DNAH3: variants seen among roughly 807,000 people sequenced by gnomAD.
The protein encoded by DNAH3 is dynein axonemal heavy chain 3.
Under a neutral mutation model 432.5 loss-of-function variants are expected in DNAH3, and 332 were observed. The ratio of observed to expected loss-of-function variants is 0.77; its 90% CI spans 0.70 to 0.84. The LOEUF (loss-of-function observed/expected upper bound fraction) is 0.84, where lower values mean the gene tolerates loss of function less well. Ranked by LOEUF, DNAH3 falls within the 40% of genes least tolerant of loss-of-function variation. The pLI is 0.00. For synonymous variants in DNAH3, 1,956 were observed against 1,900.2 expected, an observed-to-expected ratio of 1.03 and a Z score of -0.76; for missense variants, 4,861 against 5,114.0, an observed-to-expected ratio of 0.95 and a Z score of 1.51.
chr16:21,140,784 T>C, intron 4 of DNAH3, 74 bp from the exon 6 acceptor site: 1 of 1,407,804 alleles, frequency 7.1e-7, no homozygotes, highest in Non-Finnish European at 9.9e-7. Flanking sequence ...CTACTTTCCC[T>C]AGCCTGATGA....
In DNAH3 at chr16:20,940,506, C is replaced by T. The variant is rs527387858; in HGVS notation, c.11654+895G>A. Among the ~76,000 whole-genome samples the T allele has an allele frequency of 7.2e-5, 11 of 152,048 alleles. No individual in the cohort carries two copies. In the South Asian group the frequency reaches 1.7e-3, roughly 23 times the overall value. On this transcript the variant is annotated intron_variant, in intron 59 of 61. Coordinates refer to ENST00000261383, the Ensembl canonical transcript of DNAH3. ...CAGTGGCAAGATCATAGCTCACTGC[C>T]GCCTCGAGCTCCTGGCCTCCAAGAG...
chr16:21,130,918 C>T (rs1046244258), intron 7 of DNAH3, among the ~76,000 whole-genome samples: 12 of 152,130 alleles, frequency 7.9e-5, no homozygotes, highest in African/African-American at 2.9e-4. Flanking sequence ...CATAAACACG[C>T]TTGTACTTAA....
intron 5 of DNAH3, among the ~76,000 whole-genome samples, chr16:21,136,968 A>C (rs990755591): frequency 6.6e-6 from 1 of 152,040 alleles, no homozygotes; most frequent in Non-Finnish European, 1.5e-5. Flanking sequence ...CCCCATCTCT[A>C]CTACAAAATA....
intron 1 of DNAH3, among the ~76,000 whole-genome samples, chr16:21,149,591 T>A (rs2092828130): frequency 6.6e-6 from 1 of 152,102 alleles, no homozygotes; most frequent in African/African-American, 2.4e-5. Flanking sequence ...AAATATAGAT[T>A]CCAGGGCCCC....
chr16:21,042,392 T>C (rs550084775), intron 31 of DNAH3, among the ~76,000 whole-genome samples, 189 bp from the exon 32 acceptor site: 1 of 152,164 alleles, frequency 6.6e-6, no homozygotes, highest in Non-Finnish European at 1.5e-5. Context: ...CATGTGTGCA[T>C]GTGCGTGTGT....
chr16:21,072,232 A>ATTTATTT lies in DNAH3; in HGVS notation c.3085-1407_3085-1406insAAATAAA, dbSNP rs574623411. 7.8e-3 allele frequency among the ~76,000 whole-genome samples: 707 copies of ATTTATTT among 90,938 alleles called. 3 individuals carry two copies. The highest frequency in any genetic ancestry group is 0.012 in the East Asian group (19 of 1,534). The allele number at this position is 90,938 out of a possible 152,430, so 59.7% of individuals were successfully genotyped here. A position where few individuals can be genotyped will look rare whatever the true frequency, so the allele number is the denominator to read the frequency against. On this transcript the variant is annotated intron_variant, in intron 21 of 61. Coordinates refer to ENST00000261383, the Ensembl canonical transcript of DNAH3. ...GGGACCTTTGTTTAATTAATTAATT[A>ATTTATTT]ATTAATTAATTTTAATTTTATTATT...
At chr16:20,944,213 G>C (rs914164692) in intron 58 of DNAH3, among the ~76,000 whole-genome samples, 1 of 147,994 alleles carries the variant, frequency 6.8e-6, no homozygotes, top group African/African-American at 2.5e-5. Context: ...AAAAAAAAAA[G>C]AATAAAACCC....
intron 53 of DNAH3, among the ~76,000 whole-genome samples, chr16:20,960,223 C>T (rs2084756568): frequency 6.6e-6 from 1 of 152,038 alleles, no homozygotes; most frequent in Non-Finnish European, 1.5e-5. Context: ...TTCATGGATA[C>T]ATAGTATATC....
At chr16:20,980,378 G>T (rs543137811) in intron 49 of DNAH3, among the ~76,000 whole-genome samples, 3 of 122,878 alleles carry the variant, frequency 2.4e-5, no homozygotes, top group South Asian at 5.8e-4. Context: ...ATATATGTGG[G>T]GGGGGAGAGA....
chr16:21,036,713 C>T lies in DNAH3; in HGVS notation c.5085+1G>A, dbSNP rs373345396. The T allele has an allele frequency of 2.6e-5, 42 of 1,613,724 alleles. No homozygotes were observed. The highest frequency in any genetic ancestry group is 3.6e-5 in the Non-Finnish European group (42 of 1,179,928). On this transcript the variant is annotated splice_donor_variant, in intron 35 of 61. Transcript: ENST00000261383. LOFTEE classifies it high-confidence loss of function. ...ACATTTATATGGGCTAAGGAACCAA[C>T]CTGGATAATTTTCCCTATAAACCAA...
At chr16:20,974,219 T>C (rs2085473226) in intron 51 of DNAH3, among the ~76,000 whole-genome samples, 1 of 151,938 alleles carries the variant, frequency 6.6e-6, no homozygotes, top group Admixed American at 6.6e-5. Context: ...AGATGGGGTT[T>C]GCCATGTTGC....
chr16:21,097,315 T>C lies in DNAH3; in HGVS notation c.2665+40A>G, dbSNP rs76929415. ...GAAGTGACTGGGTGGATCCTCCACC[T>C]CATCCCCATCTGTCCCAGCAGAGTG... On this transcript the variant is annotated intron_variant, in intron 18 of 61. Transcript: ENST00000261383. 6,876 of 1,609,934 alleles carry C rather than the reference T, an allele frequency of 4.3e-3. 245 individuals are homozygous for C. In the African/African-American group the frequency reaches 0.077, roughly 18 times the overall value.
intron 11 of DNAH3, among the ~76,000 whole-genome samples, chr16:21,118,884 T>C (rs1248268141): frequency 6.6e-6 from 1 of 152,234 alleles, no homozygotes; most frequent in Non-Finnish European, 1.5e-5. Flanking sequence ...CCCATTGTCT[T>C]CCATTGTCCT....
intron 28 of DNAH3, 103 bp from the exon 29 acceptor site, chr16:21,051,971 T>A (rs2089972549): frequency 4.6e-6 from 4 of 873,104 alleles, no homozygotes; most frequent in Non-Finnish European, 7.2e-6. Context: ...TCCCCCATTC[T>A]CCAAACTATT....
intron 1 of DNAH3, among the ~76,000 whole-genome samples, chr16:21,154,255 A>C (rs1037372851): frequency 1.1e-4 from 17 of 152,202 alleles, no homozygotes; most frequent in African/African-American, 3.9e-4. Context: ...AATACAAAAA[A>C]TTAGCCGGGC....
intron 25 of DNAH3, among the ~76,000 whole-genome samples, chr16:21,061,437 T>A (rs1239749151): frequency 2.0e-5 from 3 of 151,756 alleles, no homozygotes. Flanking sequence ...TTGGCCAGGC[T>A]GGTCTCAAAC....
intron 57 of DNAH3, among the ~76,000 whole-genome samples, chr16:20,946,819 CTTTTTTTT>C (rs71149199): frequency 2.8e-5 from 2 of 70,864 alleles, no homozygotes; most frequent in Non-Finnish European, 5.0e-5. Flanking sequence ...ATTGTGAGTC[CTTTTTTTT>C]TTTTTTTTTT....
chr16:21,066,018 G>T (rs1237332455), intron 24 of DNAH3, among the ~76,000 whole-genome samples: 1 of 151,914 alleles, frequency 6.6e-6, no homozygotes, highest in Non-Finnish European at 1.5e-5. Context: ...GTAGAGGCGG[G>T]GTTTCAACAT....
intron 40 of DNAH3, among the ~76,000 whole-genome samples, chr16:21,020,348 G>GTGTGTGTATGTATATATATATATATA: frequency 1.4e-5 from 1 of 69,178 alleles, no homozygotes; most frequent in African/African-American, 6.4e-5. Flanking sequence ...TATAGTGTGT[G>GTGTGTGTATGTATATATATATATATA]TATATATATA....
Sources: gnomAD v4.1 joint callset for allele counts (sites outside exome capture counted in the v4.1 genomes callset) on GRCh38, gnomAD v4.1.1 for gene constraint, MANE v1.5 for transcripts, NCBI Gene and HGNC (gene_info 2026-07-23, HGNC 2026-07-21) for gene names.